Variants in HOXC6 observed in about 807,000 individuals in gnomAD.
HOXC6 encodes the protein homeobox protein Hox-C6.
Under a neutral mutation model 24.0 loss-of-function variants are expected in HOXC6, and 10 were observed. The observed-to-expected ratio is 0.42, with a 90% confidence interval of 0.26 to 0.71. The LOEUF (loss-of-function observed/expected upper bound fraction) is 0.71, where lower values mean the gene tolerates loss of function less well. HOXC6 is among the 30% of genes least tolerant of loss of function. The pLI, the probability that HOXC6 is intolerant of heterozygous loss-of-function variation, is 0.28. For synonymous variants in HOXC6, 123 were observed against 128.1 expected (o/e 0.96, Z 0.27); for missense variants, 258 against 303.4 (o/e 0.85, Z 1.11).
At chr12:54,019,562 G>T (rs538155478) in intron 1 of HOXC6, among the ~76,000 whole-genome samples, 1 of 152,282 alleles carries the variant, frequency 6.6e-6, no homozygotes, top group Non-Finnish European at 1.5e-5. Flanking sequence ...GTGGATGGCC[G>T]CTGATGGGGG....
At chr12:54,025,529 G>GTT (rs1437426629), upstream of HOXC6, among the ~76,000 whole-genome samples, 3 of 36,838 alleles carry the variant, frequency 8.1e-5, no homozygotes, top group African/African-American at 2.6e-4. Context: ...AAGGTAATTG[G>GTT]GGGGGGGGGA....
chr12:54,026,747 A>G (rs184131116), upstream of HOXC6, among the ~76,000 whole-genome samples: 478 of 152,306 alleles, frequency 3.1e-3, 3 homozygotes, highest in African/African-American at 0.011. Flanking sequence ...TTTGGGTTCG[A>G]AACTTTATTT....
Position 54,028,669 on chromosome 12 carries a change from T to A in HOXC6, c.148T>A (p.Tyr50Asn). The A allele has an allele frequency of 6.2e-7, 1 of 1,614,146 alleles. No individual in the cohort carries two copies. Among genetic ancestry groups the A allele is most frequent in the Non-Finnish European group, 8.5e-7 (1 of 1,180,030 alleles). Residue 50 changes from tyrosine to asparagine, a missense_variant, in exon 1 of 2, where the codon TAC becomes AAC. Tyr to Asn is a moderately radical substitution (Grantham distance 143, BLOSUM62 -2). Transcript: ENST00000243108. Reference protein sequence around the residue: ...YGAAVAQNRIYSTPFYSPQEN... With the variant: ...YGAAVAQNRINSTPFYSPQEN... ...AGCGGCCGTTGCCCAGAACCGGATC[T>A]ACTCGACTCCCTTTTATTCGCCACA...
Position 54,028,489 on chromosome 12 carries a change from G to A in HOXC6, c.-33G>A. On this transcript the variant is annotated 5_prime_UTR_variant, in exon 1 of 2. Coordinates refer to ENST00000243108, the MANE Select transcript of HOXC6 (RefSeq NM_004503.4). ...ACTGGAGACAGAAATAAATATTAAA[G>A]AAATCATAGACCGACCAGGTAAAGG... is the stretch of plus-strand genomic sequence containing the variant. 1 of 1,592,372 alleles carries A rather than the reference G, an allele frequency of 6.3e-7. No homozygotes were observed. The highest frequency in any genetic ancestry group is 2.2e-5 in the East Asian group (1 of 44,646).
At chr12:54,027,692 C>A (rs10876528), upstream of HOXC6, among the ~76,000 whole-genome samples, 49,629 of 151,820 alleles carry the variant, frequency 0.33, 8,419 homozygotes, top group East Asian at 0.45. Context: ...GTTTTCCCAA[C>A]AGAGGGGTCC....
chr12:54,025,832 C>T (rs1045521051), upstream of HOXC6, among the ~76,000 whole-genome samples: 3 of 152,126 alleles, frequency 2.0e-5, no homozygotes, highest in African/African-American at 7.2e-5. Flanking sequence ...GGGCCCCTTT[C>T]CTCTCCAGAC....
chr12:54,023,056 C>A (rs1565737401), intron 1 of HOXC6, among the ~76,000 whole-genome samples: 1 of 152,190 alleles, frequency 6.6e-6, no homozygotes, highest in Admixed American at 6.5e-5. Flanking sequence ...TTGCCCCCCT[C>A]AAGTGTCCCT....
upstream of HOXC6, among the ~76,000 whole-genome samples, chr12:54,025,774 C>A (rs1940668138): frequency 6.6e-6 from 1 of 152,074 alleles, no homozygotes; most frequent in African/African-American, 2.4e-5. Context: ...CGCCAACCTC[C>A]CTGAGCCCAC....
intron 1 of HOXC6, among the ~76,000 whole-genome samples, chr12:54,019,171 TCCCCCACC>T (rs1368372634): frequency 8.8e-5 from 7 of 79,232 alleles, no homozygotes; most frequent in Admixed American, 4.1e-4. Context: ...TCTCTCCCCC[TCCCCCACC>T]CCCCCACCCC....
At chr12:54,020,070 CCT>C (rs772267004) in intron 1 of HOXC6, 11 of 152,308 alleles carry the variant, frequency 7.2e-5, no homozygotes, top group Non-Finnish European at 1.5e-4. Context: ...TCTTTCTCTC[CCT>C]CTCTGGCATT....
At chr12:54,029,403 G>GCCC (rs1234645036) in intron 1 of HOXC6, among the ~76,000 whole-genome samples, 8 of 58,860 alleles carry the variant, frequency 1.4e-4, no homozygotes, top group South Asian at 7.0e-4. Flanking sequence ...CTTTTGCCCC[G>GCCC]CCCCCCCGCC....
chr12:54,023,130 G>A (rs1346735926), intron 1 of HOXC6, among the ~76,000 whole-genome samples: 1 of 152,112 alleles, frequency 6.6e-6, no homozygotes, highest in African/African-American at 2.4e-5. Flanking sequence ...CTCTCCCCAA[G>A]CCCCCTCCTC....
At chr12:54,027,788 G>T (rs953567489), upstream of HOXC6, among the ~76,000 whole-genome samples, 1 of 152,128 alleles carries the variant, frequency 6.6e-6, no homozygotes, top group Non-Finnish European at 1.5e-5. Flanking sequence ...ACTGTACCCT[G>T]AAGTCTTGCC....
upstream of HOXC6, among the ~76,000 whole-genome samples, chr12:54,026,223 G>T (rs1180440776): frequency 2.0e-5 from 3 of 152,136 alleles, no homozygotes; most frequent in Non-Finnish European, 2.9e-5. Context: ...GAGGCTACTT[G>T]TGTCCAGGGG....
At chr12:54,019,253 G>A (rs1221805476) in intron 1 of HOXC6, among the ~76,000 whole-genome samples, 1 of 130,492 alleles carries the variant, frequency 7.7e-6, no homozygotes, top group Non-Finnish European at 1.5e-5. Context: ...CCTTGTTTAC[G>A]ATCGAGAAAA....
rs1940832225 is a variant in HOXC6, at chr12:54,028,499, A to G, written c.-23A>G. ...GAAATAAATATTAAAGAAATCATAG[A>G]CCGACCAGGTAAAGGCAAAGGGATG... On this transcript the variant is annotated 5_prime_UTR_variant, in exon 1 of 2. Coordinates refer to ENST00000243108, the MANE Select transcript of HOXC6 (RefSeq NM_004503.4). The G allele has an allele frequency of 6.2e-7, 1 of 1,607,846 alleles. No individual in the cohort carries two copies. Among genetic ancestry groups the G allele is most frequent in the African/African-American group, 1.3e-5 (1 of 74,558 alleles).
chr12:54,028,974 AC>A lies in HOXC6; in HGVS notation c.400+55del, dbSNP rs1436497494. The A allele has an allele frequency of 4.6e-6, 7 of 1,519,554 alleles. No homozygotes were observed. In the East Asian group the frequency reaches 1.4e-4, roughly 29 times the overall value. The allele number at this position is 1,519,554 out of a possible 1,614,324, so 94.1% of individuals were successfully genotyped here. A position where few individuals can be genotyped will look rare whatever the true frequency, so the allele number is the denominator to read the frequency against. On this transcript the variant is annotated intron_variant, in intron 1 of 1. Coordinates refer to ENST00000243108, the MANE Select transcript of HOXC6 (RefSeq NM_004503.4). ...TTAAATAAACTGAACTGGCTTTATG[AC>A]CGGCTTCCCTAGAAGAACGGGCGGA...
chr12:54,024,194 CA>C (rs1288102963), upstream of HOXC6, among the ~76,000 whole-genome samples: 1 of 151,966 alleles, frequency 6.6e-6, no homozygotes, highest in Non-Finnish European at 1.5e-5. Context: ...CAAAAGGGGC[CA>C]GCGGGGCAAC....
Position 54,028,504 on chromosome 12 carries a change from C to T in HOXC6, c.-18C>T, listed in dbSNP as rs765601651. Reference sequence around the variant, plus strand: ...AAATATTAAAGAAATCATAGACCGACCAGGTAAAGGCAAAGGGATGAATTC... The same window carrying T: ...AAATATTAAAGAAATCATAGACCGATCAGGTAAAGGCAAAGGGATGAATTC... On this transcript the variant is annotated 5_prime_UTR_variant, in exon 1 of 2. Transcript: ENST00000243108. The T allele has an allele frequency of 1.4e-5, 22 of 1,609,024 alleles. No homozygotes were observed. Among genetic ancestry groups the T allele is most frequent in the South Asian group, 5.5e-5 (5 of 90,544 alleles).
Sources: gnomAD v4.1 joint callset for allele counts (sites outside exome capture counted in the v4.1 genomes callset) on GRCh38, gnomAD v4.1.1 for gene constraint, MANE v1.5 for transcripts, NCBI Gene and HGNC (gene_info 2026-07-23, HGNC 2026-07-21) for gene names.